The following PTPDC1 variants were observed in gnomAD, a reference collection of about 807,000 sequenced individuals.
The protein encoded by PTPDC1 is protein tyrosine phosphatase domain containing 1.
In PTPDC1, 53 loss-of-function variants were observed where a neutral mutation model predicts 75.3. The ratio of observed to expected loss-of-function variants is 0.70; its 90% CI spans 0.56 to 0.88. The LOEUF is 0.88. Ranked by LOEUF, PTPDC1 falls within the 40% of genes least tolerant of loss-of-function variation. The pLI is 0.00. For missense variants in PTPDC1, 925 were observed against 998.6 expected, an observed-to-expected ratio of 0.93 and a Z score of 0.99; for synonymous variants, 349 against 366.2, an observed-to-expected ratio of 0.95 and a Z score of 0.54.
chr9:94,046,588 T>G (rs889081963), intron 1 of PTPDC1, among the ~76,000 whole-genome samples: 11 of 152,206 alleles, frequency 7.2e-5, no homozygotes, highest in Non-Finnish European at 1.5e-4. Flanking sequence ...TTCCTAGGTA[T>G]TTTATTCTCT....
At chr9:94,070,821 C>A (rs1173452662) in intron 2 of PTPDC1, among the ~76,000 whole-genome samples, 1 of 152,120 alleles carries the variant, frequency 6.6e-6, no homozygotes, top group African/African-American at 2.4e-5. Flanking sequence ...GAGTTTCATC[C>A]AGGTTGTTGT....
At chr9:94,087,147 G>T (rs1055464092) in intron 2 of PTPDC1, among the ~76,000 whole-genome samples, 2 of 152,118 alleles carry the variant, frequency 1.3e-5, no homozygotes, top group African/African-American at 4.8e-5. Context: ...ACCACCAGCT[G>T]AGTTTTCTCC....
chr9:94,045,410 A>T (rs980091448), intron 1 of PTPDC1, among the ~76,000 whole-genome samples: 1 of 152,152 alleles, frequency 6.6e-6, no homozygotes, highest in Non-Finnish European at 1.5e-5. Context: ...AACCCAGAGG[A>T]ATCGCCACAC....
In PTPDC1 at chr9:94,097,734, T is replaced by C. The variant is rs139554081; in HGVS notation, c.1168T>C (p.Leu390=). The change falls in exon 6 of 9, where the codon TTA becomes CTA. Residue 390 remains leucine, a synonymous_variant. Transcript: ENST00000620992. ...EMVTMQLDKE[L]LRHDSDVSNP... ...GGTCACCATGCAGCTGGATAAAGAG[T>C]TACTGAGGCATGACAGTGATGTGTC... is the stretch of plus-strand genomic sequence containing the variant. The C allele has an allele frequency of 1.9e-5, 31 of 1,613,612 alleles. No individual in the cohort carries two copies. The African/African-American group carries it at 3.5e-4, about 18-fold the overall frequency.
intron 1 of PTPDC1, among the ~76,000 whole-genome samples, chr9:94,051,115 C>T (rs1192681208): frequency 6.6e-6 from 1 of 152,182 alleles, no homozygotes; most frequent in African/African-American, 2.4e-5. Context: ...GTCTGTACCC[C>T]TTTCTTTGAC....
chr9:94,094,664 C>G (rs1253545313), intron 4 of PTPDC1, among the ~76,000 whole-genome samples: 1 of 152,204 alleles, frequency 6.6e-6, no homozygotes, highest in African/African-American at 2.4e-5. Flanking sequence ...TGGCGGGCAC[C>G]CCTCCCCCAG....
intron 1 of PTPDC1, among the ~76,000 whole-genome samples, chr9:94,054,941 T>G (rs1213318705): frequency 1.3e-5 from 2 of 152,230 alleles, no homozygotes; most frequent in Non-Finnish European, 2.9e-5. Flanking sequence ...ATAACCAGTC[T>G]GCTCTTTGTA....
At chr9:94,035,990 C>T (rs942815100) in intron 1 of PTPDC1, among the ~76,000 whole-genome samples, 1 of 147,352 alleles carries the variant, frequency 6.8e-6, no homozygotes, top group Non-Finnish European at 1.5e-5. Flanking sequence ...AATGTCTGTT[C>T]AGGTCCTTTG....
rs1827616839 is a variant in PTPDC1, at chr9:94,097,322, T to C, written c.756T>C (p.Gly252=). 6.3e-7 allele frequency: 1 copy of C among 1,587,064 alleles called. No homozygotes were observed. The highest frequency in any genetic ancestry group is 8.6e-7 in the Non-Finnish European group (1 of 1,162,530). ...AGTCTTCTCTTCTTCACTGTTTAGGTGTTTTAATAGCCTGTTACTTAGTTT... is the reference window on the plus strand; with the variant it reads ...AGTCTTCTCTTCTTCACTGTTTAGGCGTTTTAATAGCCTGTTACTTAGTTT... The part of the protein sequence containing the change: ...IHCHAGLGRT[G]VLIACYLVFA... Residue 252 remains glycine, a splice_region_variant and synonymous_variant, in exon 6 of 9, where the codon GGT becomes GGC. Coordinates refer to ENST00000620992, the MANE Select transcript of PTPDC1 (RefSeq NM_001253829.2).
chr9:94,068,887 AGT>A (rs1022299610), intron 2 of PTPDC1, among the ~76,000 whole-genome samples: 1 of 152,188 alleles, frequency 6.6e-6, no homozygotes, highest in Non-Finnish European at 1.5e-5. Flanking sequence ...TATTTTGTTC[AGT>A]GGATTGTAAT....
chr9:94,097,331 A>C lies in PTPDC1; in HGVS notation c.765A>C (p.Ile255=), dbSNP rs757396927. Residue 255 remains isoleucine, a synonymous_variant, in exon 6 of 9, where the codon ATA becomes ATC. Coordinates refer to ENST00000620992, the MANE Select transcript of PTPDC1 (RefSeq NM_001253829.2). ...HAGLGRTGVL[I]ACYLVFATRM... ...TTCTTCACTGTTTAGGTGTTTTAAT[A>C]GCCTGTTACTTAGTTTTTGCAACGA... 3.7e-6 allele frequency: 6 copies of C among 1,601,220 alleles called. No homozygotes were observed. The highest frequency in any genetic ancestry group is 5.1e-6 in the Non-Finnish European group (6 of 1,172,170).
chr9:94,037,787 T>C (rs1465415300), intron 1 of PTPDC1, among the ~76,000 whole-genome samples: 2 of 152,152 alleles, frequency 1.3e-5, no homozygotes, highest in African/African-American at 4.8e-5. Flanking sequence ...ACGAGGGTTC[T>C]ATTGGGGAAG....
chr9:94,095,517 C>G (rs903176893), intron 5 of PTPDC1, 63 bp downstream of exon 5: 12 of 1,356,356 alleles, frequency 8.8e-6, no homozygotes, highest in Non-Finnish European at 1.1e-5. Flanking sequence ...AATAAGATTT[C>G]CTAATTTGAG....
At chr9:94,054,274 A>G (rs1017538621) in intron 1 of PTPDC1, among the ~76,000 whole-genome samples, 5 of 152,220 alleles carry the variant, frequency 3.3e-5, no homozygotes, top group African/African-American at 9.6e-5. Context: ...GAGGGGTGAC[A>G]TGACTGGCTG....
chr9:94,043,980 G>A (rs960113899), intron 1 of PTPDC1, among the ~76,000 whole-genome samples: 1 of 152,000 alleles, frequency 6.6e-6, no homozygotes, highest in African/African-American at 2.4e-5. Context: ...ATTTTTCTGG[G>A]TCTATTTCCA....
intron 2 of PTPDC1, among the ~76,000 whole-genome samples, chr9:94,077,875 G>A (rs1040443017): frequency 3.9e-5 from 6 of 152,160 alleles, no homozygotes; most frequent in East Asian, 1.9e-4. Context: ...ACAGCCACTA[G>A]TCAACTCATT....
chr9:94,100,309 C>T (rs1265389416), intron 6 of PTPDC1: 1 of 152,222 alleles, frequency 6.6e-6, no homozygotes, highest in Non-Finnish European at 1.5e-5. Context: ...CCTCAGGAAA[C>T]ATCATGATAA....
At chr9:94,096,400 G>A (rs1421189263) in intron 5 of PTPDC1, among the ~76,000 whole-genome samples, 1 of 152,188 alleles carries the variant, frequency 6.6e-6, no homozygotes, top group Non-Finnish European at 1.5e-5. Flanking sequence ...AGAAAGGTAT[G>A]TTGTTACCGA....
At chr9:94,056,875 G>C (rs1564014095) in intron 1 of PTPDC1, among the ~76,000 whole-genome samples, 1 of 152,166 alleles carries the variant, frequency 6.6e-6, no homozygotes, top group Non-Finnish European at 1.5e-5. Flanking sequence ...AGTCATTTGA[G>C]TGCTTTTAGG....
Sources: allele counts gnomAD v4.1 joint callset (sites outside exome capture counted in the v4.1 genomes callset), GRCh38; gene constraint gnomAD v4.1.1; transcripts MANE v1.5; gene names NCBI Gene and HGNC (gene_info 2026-07-23, HGNC 2026-07-21).